Variants in PCDHA3 observed in about 807,000 individuals in gnomAD.
PCDHA3 encodes protocadherin alpha-3.
In PCDHA3, 41 loss-of-function variants were observed where a neutral mutation model predicts 62.2. That is an observed-to-expected ratio of 0.66 (90% CI 0.51 to 0.86). PCDHA3 has a LOEUF of 0.86. PCDHA3 is among the 40% of genes least tolerant of loss of function. The probability of loss-of-function intolerance (pLI) is 0.00; values close to 1 mark genes in which losing one functional copy is unlikely to be tolerated. For synonymous variants in PCDHA3, 640 were observed against 555.4 expected, an observed-to-expected ratio of 1.15 and a Z score of -2.14; for missense variants, 1,304 against 1,241.2, an observed-to-expected ratio of 1.05 and a Z score of -0.76.
chr5:140,802,192 A>G lies in PCDHA3; in HGVS notation c.995A>G (p.Asp332Gly). Residue 332 changes from aspartate (D) to glycine (G), a missense_variant, in exon 1 of 4, where the codon GAT (aspartate) becomes GGT (glycine). Coordinates refer to ENST00000522353, the MANE Select transcript of PCDHA3 (RefSeq NM_018906.3). ...GATAAAGGAAATCCCCCAATGTCAG[A>G]TCACTGCACAGTTCTACTCGAAATT... Reference protein sequence around the residue: ...ATDKGNPPMSDHCTVLLEIVD... With the variant: ...ATDKGNPPMSGHCTVLLEIVD... 1.2e-6 allele frequency: 2 copies of G among 1,614,242 alleles called. No homozygotes were observed. The highest frequency in any genetic ancestry group is 1.7e-6 in the Non-Finnish European group (2 of 1,180,038).
At chr5:140,936,367 A>C (rs1347774517) in intron 1 of PCDHA3, among the ~76,000 whole-genome samples, 2 of 152,230 alleles carry the variant, frequency 1.3e-5, no homozygotes, top group East Asian at 1.9e-4. Flanking sequence ...GCTACTGAGC[A>C]CTTGAAATGT....
chr5:140,844,854 T>C (rs1315515801), intron 1 of PCDHA3, among the ~76,000 whole-genome samples: 10 of 149,524 alleles, frequency 6.7e-5, no homozygotes, highest in African/African-American at 2.4e-4. Context: ...CTGTTGGACC[T>C]GCCTGGATAT....
chr5:140,918,899 C>G (rs2078917474), intron 1 of PCDHA3, among the ~76,000 whole-genome samples: 1 of 152,206 alleles, frequency 6.6e-6, no homozygotes, highest in African/African-American at 2.4e-5. Context: ...AAATAAATCT[C>G]TCTTGTTTAT....
intron 1 of PCDHA3, among the ~76,000 whole-genome samples, chr5:140,855,644 T>G (rs1324111294): frequency 6.7e-6 from 1 of 149,848 alleles, no homozygotes; most frequent in Non-Finnish European, 1.5e-5. Context: ...TTGATAATCA[T>G]GTGGTTAGGG....
At chr5:140,849,995 C>CGA in intron 1 of PCDHA3, 1 of 1,597,088 alleles carries the variant, frequency 6.3e-7, no homozygotes, top group Non-Finnish European at 8.6e-7. Context: ...GGCGGTTGGG[C>CGA]GAGCGCTCGC....
At chr5:140,806,264 T>G (rs782002938) in intron 1 of PCDHA3, among the ~76,000 whole-genome samples, 2 of 152,112 alleles carry the variant, frequency 1.3e-5, no homozygotes, top group Non-Finnish European at 2.9e-5. Context: ...AAGCAGGAAA[T>G]ATTCAGTTTG....
chr5:140,898,764 T>A (rs2066960471), intron 1 of PCDHA3, among the ~76,000 whole-genome samples: 1 of 152,192 alleles, frequency 6.6e-6, no homozygotes, highest in Non-Finnish European at 1.5e-5. Context: ...GCATTGAATC[T>A]GTAAATTACC....
chr5:140,998,042 C>T (rs187874119), intron 3 of PCDHA3, among the ~76,000 whole-genome samples: 21 of 152,284 alleles, frequency 1.4e-4, no homozygotes, highest in Non-Finnish European at 2.2e-4. Flanking sequence ...TGTCACTTAA[C>T]TCAGTGACAT....
chr5:140,823,657 G>C, intron 1 of PCDHA3: 1 of 1,613,998 alleles, frequency 6.2e-7, no homozygotes, highest in Non-Finnish European at 8.5e-7. Context: ...GCTGTACACA[G>C]GCGAGATCAG....
chr5:140,933,377 C>A lies in PCDHA3; in HGVS notation c.2395-45572C>A, dbSNP rs910236493. Among the ~76,000 whole-genome samples the A allele has an allele frequency of 3.9e-5, 6 of 151,980 alleles. No homozygotes were observed. In the South Asian group the frequency reaches 1.2e-3, roughly 31 times the overall value. On this transcript the variant is annotated intron_variant, in intron 1 of 3. Transcript: ENST00000522353. ...TTCTAACCCATCCCAAATTCCTTGG[C>A]TGTTCCTAGAGCCATCTGGTTACCA...
At chr5:140,833,801 A>G (rs146837800) in intron 1 of PCDHA3, among the ~76,000 whole-genome samples, 1 of 152,242 alleles carries the variant, frequency 6.6e-6, no homozygotes, top group South Asian at 2.1e-4. Flanking sequence ...CAATCAGTAG[A>G]TTCTTGAGAT....
At chr5:140,992,017 CTGTGTGTGTGTGTG>C (rs10602499) in intron 3 of PCDHA3, among the ~76,000 whole-genome samples, 7 of 145,626 alleles carry the variant, frequency 4.8e-5, no homozygotes, top group East Asian at 2.0e-4. Context: ...AGAGGTGGCT[CTGTGTGTGTGTGTG>C]TGTGTGTGTG....
intron 1 of PCDHA3, among the ~76,000 whole-genome samples, chr5:140,912,376 G>A (rs2075897019): frequency 6.6e-6 from 1 of 151,474 alleles, no homozygotes; most frequent in African/African-American, 2.4e-5. Context: ...TTGTAAAAGG[G>A]ATTGAGTTCT....
intron 1 of PCDHA3, among the ~76,000 whole-genome samples, chr5:140,925,210 C>G (rs1319343041): frequency 1.3e-5 from 2 of 152,122 alleles, no homozygotes; most frequent in Admixed American, 6.5e-5. Context: ...ATTATCGATA[C>G]TTTTAGGCAG....
chr5:140,917,323 G>C (rs1363512198), intron 1 of PCDHA3, among the ~76,000 whole-genome samples: 1 of 147,758 alleles, frequency 6.8e-6, no homozygotes, highest in African/African-American at 2.5e-5. Context: ...TGTTCATGTG[G>C]CGGGGGAGGG....
chr5:140,917,039 A>G (rs1279228933), intron 1 of PCDHA3, among the ~76,000 whole-genome samples: 1 of 152,132 alleles, frequency 6.6e-6, no homozygotes, highest in African/African-American at 2.4e-5. Flanking sequence ...TGAGTCCAGC[A>G]CAGTGTTGTT....
In PCDHA3 at chr5:140,850,590, T is replaced by G. The variant is rs2150490414; in HGVS notation, c.2394+46999T>G. The G allele has an allele frequency of 2.7e-5, 43 of 1,598,318 alleles. 1 individual carries two copies. The highest frequency in any genetic ancestry group is 3.5e-5 in the Non-Finnish European group (41 of 1,167,854). ...GGTGACGCTGGTGGATGTCAACGTG[T>G]ACCTGATCATCGCCATCTGCGCGGT... On this transcript the variant is annotated intron_variant, in intron 1 of 3. Coordinates refer to ENST00000522353, the MANE Select transcript of PCDHA3 (RefSeq NM_018906.3).
At chr5:140,968,464 C>T (rs1554230763) in intron 1 of PCDHA3, 4 of 1,613,996 alleles carry the variant, frequency 2.5e-6, no homozygotes, top group Admixed American at 1.7e-5. Flanking sequence ...TGACTGCCAA[C>T]GTATATGTGG....
intron 1 of PCDHA3, chr5:140,829,654 G>C: frequency 6.2e-7 from 1 of 1,612,542 alleles, no homozygotes; most frequent in Non-Finnish European, 8.5e-7. Context: ...ACGCGCTGCA[G>C]CCGCTGGACC....
Sources: gnomAD v4.1 joint callset for allele counts (sites outside exome capture counted in the v4.1 genomes callset) on GRCh38, gnomAD v4.1.1 for gene constraint, MANE v1.5 for transcripts, NCBI Gene and HGNC (gene_info 2026-07-23, HGNC 2026-07-21) for gene names.